The following MCOLN2 variants were observed in gnomAD, a reference collection of about 807,000 sequenced individuals.
MCOLN2 encodes mucolipin-2.
Under a neutral mutation model 67.5 loss-of-function variants are expected in MCOLN2, and 57 were observed. The observed-to-expected ratio is 0.84, with a 90% CI of 0.68 to 1.05. The LOEUF (loss-of-function observed/expected upper bound fraction) is 1.05. Ranked by LOEUF, MCOLN2 falls within the 50% of genes least tolerant of loss-of-function variation. The pLI is 0.00. For synonymous variants in MCOLN2, 246 were observed against 233.3 expected, an observed-to-expected ratio of 1.05 and a Z score of -0.50; for missense variants, 620 against 678.8, an observed-to-expected ratio of 0.91 and a Z score of 0.96.
At chr1:84,965,299 C>T (rs2102857890) in intron 2 of MCOLN2, among the ~76,000 whole-genome samples, 1 of 152,224 alleles carries the variant, frequency 6.6e-6, no homozygotes, top group South Asian at 2.1e-4. Flanking sequence ...TATAGAAACC[C>T]CTCCCCACAG....
intron 1 of MCOLN2, among the ~76,000 whole-genome samples, chr1:84,984,839 CA>C (rs1432881395): frequency 5.9e-5 from 9 of 151,976 alleles, no homozygotes; most frequent in Non-Finnish European, 1.5e-5. Flanking sequence ...ACTAAAAATA[CA>C]AAAAGTTTGC....
intron 4 of MCOLN2, among the ~76,000 whole-genome samples, chr1:84,954,389 C>A (rs1181267932): frequency 5.3e-5 from 8 of 152,324 alleles, no homozygotes; most frequent in African/African-American, 1.9e-4. Context: ...TTGTTTCTGG[C>A]AGGAAAAGAC....
At chr1:84,984,996 A>G (rs2102883245) in intron 1 of MCOLN2, among the ~76,000 whole-genome samples, 1 of 152,300 alleles carries the variant, frequency 6.6e-6, no homozygotes, top group African/African-American at 2.4e-5. Context: ...CCTGTCTCAA[A>G]GAAAAATTGA....
At chr1:84,949,452 C>A (rs373803612) in intron 6 of MCOLN2, among the ~76,000 whole-genome samples, 285 of 152,136 alleles carry the variant, frequency 1.9e-3, no homozygotes, top group African/African-American at 6.7e-3. Flanking sequence ...TCCTAGCTAA[C>A]ACGGTGAAAC....
chr1:84,965,878 TC>T (rs1334704193), intron 1 of MCOLN2, among the ~76,000 whole-genome samples, 170 bp from the exon 2 acceptor site: 1 of 152,158 alleles, frequency 6.6e-6, no homozygotes, highest in Admixed American at 6.5e-5. Context: ...AGGGAGGTTC[TC>T]CCATTTCTAA....
At chr1:84,966,915 T>G (rs1649409167) in intron 1 of MCOLN2, among the ~76,000 whole-genome samples, 1 of 152,154 alleles carries the variant, frequency 6.6e-6, no homozygotes, top group South Asian at 2.1e-4. Flanking sequence ...CCATAATTAG[T>G]ACAACATAGA....
chr1:84,987,547 T>TA lies in MCOLN2; in HGVS notation c.77+9248_77+9249insT, dbSNP rs1557665865. Among the ~76,000 whole-genome samples, 33 of 94,390 alleles carry TA rather than the reference T, an allele frequency of 3.5e-4. 2 individuals are homozygous for TA. The highest frequency in any genetic ancestry group is 1.3e-3 in the African/African-American group (33 of 25,866). The allele number at this position is 94,390 out of a possible 152,430, so 61.9% of individuals were successfully genotyped here. A position where few individuals can be genotyped will look rare whatever the true frequency, so the allele number is the denominator to read the frequency against. ...ATGTATACATCTATGTATACATAGA[T>TA]GTATACATCTATGTATACATAGATG... On this transcript the variant is annotated intron_variant, in intron 1 of 13. Coordinates refer to ENST00000370608, the MANE Select transcript of MCOLN2 (RefSeq NM_153259.4).
chr1:84,982,074 G>GT (rs11461473), intron 1 of MCOLN2, among the ~76,000 whole-genome samples: 41,332 of 117,840 alleles, frequency 0.35, 6,214 homozygotes, highest in East Asian at 0.48. Context: ...TTAGCCATGG[G>GT]TTTTTTTTTT....
At chr1:84,974,153 C>T (rs1407416293) in intron 1 of MCOLN2, among the ~76,000 whole-genome samples, 1 of 152,168 alleles carries the variant, frequency 6.6e-6, no homozygotes, top group East Asian at 1.9e-4. Flanking sequence ...TGAGTTCCCA[C>T]AAACTTCACC....
intron 2 of MCOLN2, among the ~76,000 whole-genome samples, chr1:84,963,426 T>C (rs1649197577): frequency 1.3e-5 from 2 of 152,252 alleles, no homozygotes; most frequent in South Asian, 4.1e-4. Flanking sequence ...AAAACATAAA[T>C]AGATGCAGTT....
chr1:84,935,599 T>C (rs1030846286), intron 11 of MCOLN2, among the ~76,000 whole-genome samples: 4 of 152,232 alleles, frequency 2.6e-5, no homozygotes, highest in African/African-American at 9.6e-5. Flanking sequence ...ACTGAATACA[T>C]GCTGAAATAA....
intron 1 of MCOLN2, among the ~76,000 whole-genome samples, chr1:84,974,304 C>G: frequency 6.6e-6 from 1 of 152,096 alleles, no homozygotes; most frequent in Admixed American, 6.5e-5. Context: ...TACCAAACTA[C>G]CAGGGTGGCT....
rs767347974 is a variant in MCOLN2 at position 84,937,781 on chromosome 1, T to G, written c.1309A>C (p.Ile437Leu). 1 of 1,613,852 alleles carries G rather than the reference T, an allele frequency of 6.2e-7. No homozygotes were observed. The highest frequency in any genetic ancestry group is 1.7e-5 in the Admixed American group (1 of 59,986). ...TTGTCATGGTATGGTCCTAAGACAATCCAGCCACAGAATGTGTAACCCAGA... is the reference window on the plus strand; with the variant it reads ...TTGTCATGGTATGGTCCTAAGACAAGCCAGCCACAGAATGTGTAACCCAGA... ...IYLGYTFCGW[I>L]VLGPYHDKFE... The change falls in exon 11 of 14, where the codon ATT becomes CTT. Residue 437 changes from isoleucine to leucine, a missense_variant. By Grantham distance (5) the Ile-to-Leu change is conservative. Coordinates refer to ENST00000370608, the MANE Select transcript of MCOLN2 (RefSeq NM_153259.4).
At chr1:84,949,832 C>T (rs12086089) in intron 6 of MCOLN2, among the ~76,000 whole-genome samples, 1 of 151,310 alleles carries the variant, frequency 6.6e-6, no homozygotes, top group Non-Finnish European at 1.5e-5. Flanking sequence ...CTATATCCAG[C>T]AAAGCCATCC....
At chr1:84,983,129 G>A (rs79432099) in intron 1 of MCOLN2, among the ~76,000 whole-genome samples, 3,951 of 152,144 alleles carry the variant, frequency 0.026, 183 homozygotes, top group African/African-American at 0.091. Context: ...CCTCATCACA[G>A]TGAGTGGTAA....
At chr1:84,985,192 G>T (rs1486000639) in intron 1 of MCOLN2, among the ~76,000 whole-genome samples, 2 of 151,942 alleles carry the variant, frequency 1.3e-5, no homozygotes, top group Non-Finnish European at 2.9e-5. Context: ...ACAAACACTG[G>T]GTTCCCATTT....
At chr1:84,994,401 C>A (rs1651048130) in intron 1 of MCOLN2, among the ~76,000 whole-genome samples, 1 of 152,238 alleles carries the variant, frequency 6.6e-6, no homozygotes, top group South Asian at 2.1e-4. Context: ...CAATAGAAGG[C>A]TGTTTTGTCT....
chr1:84,947,215 C>A, intron 6 of MCOLN2, 83 bp from the exon 7 acceptor site: 1 of 763,218 alleles, frequency 1.3e-6, no homozygotes, highest in Non-Finnish European at 2.3e-6. Flanking sequence ...AAAAAAATCA[C>A]TGGCATCCAG....
At chr1:84,979,272 C>T (rs983858366) in intron 1 of MCOLN2, among the ~76,000 whole-genome samples, 2 of 152,168 alleles carry the variant, frequency 1.3e-5, no homozygotes, top group African/African-American at 4.8e-5. Flanking sequence ...AATACCAATC[C>T]TACTCAAACT....
Sources: allele counts gnomAD v4.1 joint callset (sites outside exome capture counted in the v4.1 genomes callset), GRCh38; gene constraint gnomAD v4.1.1; transcripts MANE v1.5; gene names NCBI Gene and HGNC (gene_info 2026-07-23, HGNC 2026-07-21).